KLRK1: variants seen among roughly 807,000 people sequenced by gnomAD.
KLRK1 encodes killer cell lectin like receptor K1.
Under a neutral mutation model 31.3 loss-of-function variants are expected in KLRK1, and 40 were observed. That is an observed-to-expected ratio of 1.28 (90% CI 0.99 to 1.67). KLRK1 has a LOEUF of 1.67. KLRK1 is among the 40% of genes most tolerant of loss of function. KLRK1 has a pLI of 0.00. For missense variants in KLRK1, 251 were observed against 260.0 expected (o/e 0.97, Z 0.24); for synonymous variants, 77 against 77.3 (o/e 1.00, Z 0.02).
At chr12:10,373,279 G>A (rs71450040) in intron 7 of KLRK1, 48 bp from the exon 8 acceptor site, 132,880 of 1,467,080 alleles carry the variant, frequency 0.091, 6,635 homozygotes, top group Middle Eastern at 0.12. Flanking sequence ...TATTAACGCG[G>A]GAAAATAAAA....
At chr12:10,375,308 A>AGAGCCAGAAATATATATATTTG (rs1862944195) in intron 7 of KLRK1, among the ~76,000 whole-genome samples, 1 of 152,336 alleles carries the variant, frequency 6.6e-6, no homozygotes, top group South Asian at 2.1e-4. Flanking sequence ...GTCTGGCTCC[A>AGAGCCAGAAATATATATATTTG]GAGCCAGAAA....
intron 1 of KLRK1, 113 bp from the exon 2 acceptor site, chr12:10,388,988 G>T: frequency 1.7e-6 from 1 of 573,266 alleles, no homozygotes. Context: ...ATGCCTTTAA[G>T]AAAAGAATAG....
At chr12:10,388,695 A>C in intron 2 of KLRK1, 76 bp downstream of exon 2, 3 of 1,579,960 alleles carry the variant, frequency 1.9e-6, no homozygotes, top group Non-Finnish European at 2.6e-6. Flanking sequence ...CCTATGCCTT[A>C]TATGCTTGTA....
In KLRK1 at chr12:10,379,462, G is replaced by T. The variant is rs1336607343; in HGVS notation, c.262C>A (p.Gln88Lys). 1 of 1,474,398 alleles carries T rather than the reference G, an allele frequency of 6.8e-7. No individual in the cohort carries two copies. Among genetic ancestry groups the T allele is most frequent in the Non-Finnish European group, 9.3e-7 (1 of 1,074,058 alleles). 91.3% of individuals were successfully genotyped at this position (1,474,398 alleles called of 1,614,324 possible). A position where few individuals can be genotyped will look rare whatever the true frequency, so the allele number is the denominator to read the frequency against. ...ATTCACTTACCGGTCAAGGGAATTT[G>T]AACTTCTTGGTTGAATAATGCTATT... ...FLNSLFNQEVQIPLTESYCGP... is the reference protein window; with the variant it reads ...FLNSLFNQEVKIPLTESYCGP... The change falls in exon 5 of 8, where the codon CAA becomes AAA. Residue 88 changes from glutamine (Q) to lysine (K), a missense_variant. By Grantham distance (53) the Gln-to-Lys change is moderately conservative (BLOSUM62 1). Coordinates refer to ENST00000240618, the MANE Select transcript of KLRK1 (RefSeq NM_007360.4).
rs779820846 is a variant in KLRK1, at chr12:10,386,983, A to AAGTT, written c.64_67dup (p.Leu23Ter). On this transcript the variant is annotated stop_gained and frameshift_variant, in exon 3 of 8. Coordinates refer to ENST00000240618, the MANE Select transcript of KLRK1 (RefSeq NM_007360.4). LOFTEE classifies it high-confidence loss of function. ...TGAAAAATCACTCTTCTTCAGATCC[A>AAGTT]AGTTATAATTATGAAATTCACTCAT... The AAGTT allele has an allele frequency of 6.2e-7, 1 of 1,611,174 alleles. No individual in the cohort carries two copies. The highest frequency in any genetic ancestry group is 1.7e-5 in the Admixed American group (1 of 59,598).
Position 10,389,951 on chromosome 12 carries a change from A to G in KLRK1, c.-74T>C, listed in dbSNP as rs533268660. ...TACACACATACACACACCTGCTCAG[A>G]GAGGGAAGATCTTGATTCTTGTGGA... is the stretch of plus-strand genomic sequence containing the variant. On this transcript the variant is annotated 5_prime_UTR_variant, in exon 1 of 8. Transcript: ENST00000240618. 3.9e-5 allele frequency: 6 copies of G among 152,218 alleles called. No homozygotes were observed. The highest frequency in any genetic ancestry group is 1.4e-4 in the African/African-American group (6 of 41,566). 9.4% of individuals were successfully genotyped at this position (152,218 alleles called of 1,614,324 possible). A position where few individuals can be genotyped will look rare whatever the true frequency, so the allele number is the denominator to read the frequency against.
Position 10,372,657 on chromosome 12 carries a change from AGTGGC to A in KLRK1, c.*452_*456del. ...CCCGTTGGGTGGAGGACCCATTAAA[AGTGGC>A]AGCATGACCCCCACAGGCAGGGAAG... On this transcript the variant is annotated 3_prime_UTR_variant, in exon 8 of 8. Transcript: ENST00000240618. 1 of 190,526 alleles carries A rather than the reference AGTGGC, an allele frequency of 5.2e-6. No individual in the cohort carries two copies. Among genetic ancestry groups the A allele is most frequent in the Non-Finnish European group, 1.1e-5 (1 of 94,594 alleles). 11.8% of individuals were successfully genotyped at this position (190,526 alleles called of 1,614,324 possible).
intron 3 of KLRK1, among the ~76,000 whole-genome samples, chr12:10,383,733 A>G (rs1305309587): frequency 6.6e-6 from 1 of 152,122 alleles, no homozygotes; most frequent in African/African-American, 2.4e-5. Flanking sequence ...ATTCATCAGG[A>G]CAGACCATAT....
At chr12:10,385,003 C>T (rs540885241) in intron 3 of KLRK1, among the ~76,000 whole-genome samples, 1 of 152,040 alleles carries the variant, frequency 6.6e-6, no homozygotes, top group Admixed American at 6.5e-5. Context: ...CAACATCATT[C>T]ATCATCAAGA....
chr12:10,377,348 A>T (rs1862986292), intron 7 of KLRK1, among the ~76,000 whole-genome samples: 1 of 152,234 alleles, frequency 6.6e-6, no homozygotes. Flanking sequence ...CGTTAATATG[A>T]TACAAATACT....
At chr12:10,378,037 G>A in intron 7 of KLRK1, 95 bp downstream of exon 7, 1 of 1,280,016 alleles carries the variant, frequency 7.8e-7, no homozygotes. Context: ...ATGTGCAAAT[G>A]TCCTGGGATT....
At chr12:10,387,665 C>G (rs971628997) in intron 2 of KLRK1, among the ~76,000 whole-genome samples, 1 of 151,674 alleles carries the variant, frequency 6.6e-6, no homozygotes, top group South Asian at 2.1e-4. Flanking sequence ...CCTGCCTCAG[C>G]CTCTTGAGTA....
rs762093439 is a variant in KLRK1 at position 10,386,942 on chromosome 12, G to A, written c.109C>T (p.Gln37Ter). Residue 37 changes from glutamine (Q) to a stop codon, truncating the protein, a stop_gained, in exon 3 of 8, where the codon CAA becomes TAA. Transcript: ENST00000240618. LOFTEE classifies it high-confidence loss of function. ...KSDFSTRWQK[Q>*]RCPVVKSKCR... ...TTGCTTTTGACTACTGGACATCTTT[G>A]CTTTTGCCATCGTGTTGAAAAATCA... 2 of 1,611,522 alleles carry A rather than the reference G, an allele frequency of 1.2e-6. No homozygotes were observed. Among genetic ancestry groups the A allele is most frequent in the East Asian group, 4.5e-5 (2 of 44,578 alleles).
At chr12:10,386,846 A>G (rs576110591) in intron 3 of KLRK1, 57 bp downstream of exon 3, 4 of 1,371,410 alleles carry the variant, frequency 2.9e-6, no homozygotes, top group African/African-American at 3.0e-5. Context: ...TTAATCACAT[A>G]GTTTCCAAGA....
intron 3 of KLRK1, among the ~76,000 whole-genome samples, chr12:10,380,686 A>G (rs1863058479): frequency 6.6e-6 from 1 of 152,168 alleles, no homozygotes; most frequent in Admixed American, 6.5e-5. Context: ...CCACATTCCC[A>G]TTATAAATAC....
chr12:10,380,365 G>A (rs888849969), intron 3 of KLRK1, among the ~76,000 whole-genome samples: 4 of 152,038 alleles, frequency 2.6e-5, no homozygotes, highest in Admixed American at 1.3e-4. Context: ...GCACCCGGCC[G>A]TGATTTATTA....
Position 10,372,902 on chromosome 12 carries a change from T to A in KLRK1, c.*212A>T. On this transcript the variant is annotated 3_prime_UTR_variant, in exon 8 of 8. Transcript: ENST00000240618. ...GAGGCAGCCTTGGGGATATCTGAAT[T>A]GCCTTTAGGATCTCTCTTCTTTTGT... 1 of 494,756 alleles carries A rather than the reference T, an allele frequency of 2.0e-6. No individual in the cohort carries two copies. The allele number at this position is 494,756 out of a possible 1,614,324, so 30.6% of individuals were successfully genotyped here. A position where few individuals can be genotyped will look rare whatever the true frequency, so the allele number is the denominator to read the frequency against.
intron 7 of KLRK1, among the ~76,000 whole-genome samples, chr12:10,375,062 A>G (rs1442765828): frequency 6.6e-6 from 1 of 152,124 alleles, no homozygotes; most frequent in East Asian, 1.9e-4. Context: ...CTCTCAAGCC[A>G]TACATAAATG....
intron 3 of KLRK1, among the ~76,000 whole-genome samples, chr12:10,380,196 G>T (rs1190244084): frequency 6.6e-6 from 1 of 150,856 alleles, no homozygotes; most frequent in Non-Finnish European, 1.5e-5. Context: ...CTCCCGAGTA[G>T]CTGGGACTAC....
Sources: allele counts gnomAD v4.1 joint callset (sites outside exome capture counted in the v4.1 genomes callset), GRCh38; gene constraint gnomAD v4.1.1; transcripts MANE v1.5; gene names NCBI Gene and HGNC (gene_info 2026-07-23, HGNC 2026-07-21).